EIF3L: variants seen among roughly 807,000 people sequenced by gnomAD.
EIF3L encodes the protein eIEF associated protein HSPC021.
Under a neutral mutation model 74.6 loss-of-function variants are expected in EIF3L, and 32 were observed. The ratio of observed to expected loss-of-function variants is 0.43; its 90% CI spans 0.32 to 0.58. The LOEUF (loss-of-function observed/expected upper bound fraction) is 0.58, where lower values mean the gene tolerates loss of function less well. Ranked by LOEUF, EIF3L falls within the 20% of genes least tolerant of loss-of-function variation. The pLI, the probability that EIF3L is intolerant of heterozygous loss-of-function variation, is 0.06. For synonymous variants in EIF3L, 256 were observed against 254.4 expected (o/e 1.01, Z -0.06); for missense variants, 474 against 707.8 (o/e 0.67, Z 3.75).
chr22:37,860,337 T>A (rs1925790880), intron 5 of EIF3L, among the ~76,000 whole-genome samples: 1 of 152,196 alleles, frequency 6.6e-6, no homozygotes, highest in Non-Finnish European at 1.5e-5. Context: ...TCAACATACT[T>A]CTTTTTGTTG....
Position 37,886,862 on chromosome 22 carries a change from AAG to A in EIF3L, c.1656+20_1656+21del, listed in dbSNP as rs775995260. The A allele has an allele frequency of 6.2e-7, 1 of 1,601,260 alleles. No individual in the cohort carries two copies. Among genetic ancestry groups the A allele is most frequent in the Admixed American group, 1.7e-5 (1 of 59,748 alleles). On this transcript the variant is annotated intron_variant, in intron 12 of 12. Transcript: ENST00000652021. ...TTTGAGGAGGTGAGAGATCTGAGAG[AAG>A]AGGGGTTTGTTGGCTCAGGACAGAG... is the stretch of plus-strand genomic sequence containing the variant.
intron 4 of EIF3L, among the ~76,000 whole-genome samples, chr22:37,856,459 G>A (rs1487822311): frequency 6.6e-6 from 1 of 152,178 alleles, no homozygotes; most frequent in Non-Finnish European, 1.5e-5. Flanking sequence ...CTGACCTCAA[G>A]TGATCTTCCC....
intron 7 of EIF3L, among the ~76,000 whole-genome samples, chr22:37,864,796 C>T (rs1926058398): frequency 6.6e-6 from 1 of 152,184 alleles, no homozygotes; most frequent in African/African-American, 2.4e-5. Flanking sequence ...TCCTTGGCCT[C>T]CCAAAGTGCT....
chr22:37,883,821 C>T (rs978330784), intron 11 of EIF3L: 13 of 151,536 alleles, frequency 8.6e-5, no homozygotes, highest in African/African-American at 3.2e-4. Context: ...GGCTGAGGCA[C>T]AAGAATCGCT....
chr22:37,886,960 G>T, intron 12 of EIF3L, 115 bp downstream of exon 12: 1 of 786,934 alleles, frequency 1.3e-6, no homozygotes, highest in Non-Finnish European at 2.0e-6. Flanking sequence ...ATGGAGTCTT[G>T]TGCTGTCACC....
chr22:37,851,420 C>T lies in EIF3L; in HGVS notation c.223C>T (p.Gln75Ter). 6.2e-7 allele frequency: 1 copy of T among 1,614,044 alleles called. No individual in the cohort carries two copies. The highest frequency in any genetic ancestry group is 8.5e-7 in the Non-Finnish European group (1 of 1,179,998). ...GATTGACCAGAAAGTGTATGAGCTACAGGCCAGTCGTGTCTCCAGTGATGT... is the reference window on the plus strand; with the variant it reads ...GATTGACCAGAAAGTGTATGAGCTATAGGCCAGTCGTGTCTCCAGTGATGT... ...DLIDQKVYELQASRVSSDVID... is the reference protein window; with the variant it reads ...DLIDQKVYEL Residue 75 changes from glutamine to a stop codon, truncating the protein, a stop_gained, in exon 3 of 13, where the codon CAG (glutamine) becomes TAG (stop). Coordinates refer to ENST00000652021, the MANE Select transcript of EIF3L (RefSeq NM_016091.4). LOFTEE classifies it high-confidence loss of function.
At chr22:37,879,853 G>A (rs1376030123) in intron 11 of EIF3L, 1 of 149,952 alleles carries the variant, frequency 6.7e-6, no homozygotes, top group Admixed American at 6.6e-5. Flanking sequence ...AGGCTGGAGT[G>A]CAGTGGCACG....
chr22:37,888,432 C>G lies in EIF3L; in HGVS notation c.1663C>G (p.Arg555Gly), dbSNP rs1927431947. Residue 555 changes from arginine to glycine, a missense_variant, in exon 13 of 13, where the codon CGA becomes GGA. This residue lies in a region of EIF3L where 293 missense variants were observed against 469.1 expected (regional missense o/e 0.62). Coordinates refer to ENST00000652021, the MANE Select transcript of EIF3L (RefSeq NM_016091.4). ...RQIHKFEELN[R>G]TLKKMGQRP is the part of the protein sequence containing the mutation. The stretch of plus-strand genomic sequence containing the variant: ...GCTTTTCTTTCTCTTCTAGCTTAAT[C>G]GAACCCTGAAGAAGATGGGACAGAG... The G allele has an allele frequency of 6.2e-7, 1 of 1,613,990 alleles. No individual in the cohort carries two copies. Among genetic ancestry groups the G allele is most frequent in the African/African-American group, 1.3e-5 (1 of 75,028 alleles).
At position 37,873,928 on chromosome 22, in the gene EIF3L, G is replaced by A. The variant is rs149054817; in HGVS notation, c.752-442G>A. Among the ~76,000 whole-genome samples, 47 of 152,268 alleles carry A rather than the reference G, an allele frequency of 3.1e-4. 1 individual carries two copies. In the East Asian group the frequency reaches 7.3e-3, roughly 24 times the overall value. ...ATGCAGTGACTACTGGTACAATTTTGTGTCGTTGCCTGATTTATGCTTAAG... is the reference window on the plus strand; with the variant it reads ...ATGCAGTGACTACTGGTACAATTTTATGTCGTTGCCTGATTTATGCTTAAG... On this transcript the variant is annotated intron_variant, in intron 8 of 12. Transcript: ENST00000652021.
chr22:37,877,613 A>C (rs1029123531), intron 10 of EIF3L, 61 bp from the exon 11 acceptor site: 2 of 1,528,756 alleles, frequency 1.3e-6, no homozygotes. Context: ...GCCAGTTGGC[A>C]GTGGGGACCT....
chr22:37,853,680 A>C (rs1925348020), intron 3 of EIF3L, among the ~76,000 whole-genome samples: 1 of 152,218 alleles, frequency 6.6e-6, no homozygotes, highest in Non-Finnish European at 1.5e-5. Context: ...CAGCCAAGCG[A>C]AGTGGAGATT....
At chr22:37,876,208 C>G (rs528377240) in intron 10 of EIF3L, 197 bp downstream of exon 10, 2 of 541,864 alleles carry the variant, frequency 3.7e-6, no homozygotes, top group African/African-American at 3.8e-5. Flanking sequence ...CAGCTCACGT[C>G]AGCCTCAACC....
chr22:37,851,524 G>T, intron 3 of EIF3L, 34 bp downstream of exon 3: 4 of 1,575,700 alleles, frequency 2.5e-6, no homozygotes, highest in East Asian at 4.5e-5. Context: ...CCTCTTTCTG[G>T]GTGGGACTGG....
In EIF3L at chr22:37,876,012, G is replaced by T. The variant is rs1169259720; in HGVS notation, c.1077+1G>T. 1 of 1,610,732 alleles carries T rather than the reference G, an allele frequency of 6.2e-7. No individual in the cohort carries two copies. Among genetic ancestry groups the T allele is most frequent in the Non-Finnish European group, 8.5e-7 (1 of 1,177,464 alleles). ...GAGGACCACGTACAAGTATGAGATG[G>T]TAAGGGGGACTCTGCCTGCCACCAG... On this transcript the variant is annotated splice_donor_variant, in intron 10 of 12. Coordinates refer to ENST00000652021, the MANE Select transcript of EIF3L (RefSeq NM_016091.4). LOFTEE classifies it high-confidence loss of function.
In EIF3L at chr22:37,888,866, A is replaced by G. The variant is rs924348080; in HGVS notation, c.*402A>G. On this transcript the variant is annotated 3_prime_UTR_variant, in exon 13 of 13. Coordinates refer to ENST00000652021, the MANE Select transcript of EIF3L (RefSeq NM_016091.4). ...CAAGCAGTTCTGCCTCAGCCTTCCA[A>G]GTAGCTGGGATTACAGGCGTGTGCC... 1.1e-5 allele frequency: 2 copies of G among 176,756 alleles called. No homozygotes were observed. The highest frequency in any genetic ancestry group is 4.8e-5 in the African/African-American group (2 of 41,812). 10.9% of individuals were successfully genotyped at this position (176,756 alleles called of 1,614,324 possible). A position where few individuals can be genotyped will look rare whatever the true frequency, so the allele number is the denominator to read the frequency against.
chr22:37,869,269 C>T (rs1409257343), intron 7 of EIF3L, among the ~76,000 whole-genome samples: 1 of 152,160 alleles, frequency 6.6e-6, no homozygotes, highest in Non-Finnish European at 1.5e-5. Flanking sequence ...GCGGAGACTG[C>T]AGGTGCCTGC....
intron 11 of EIF3L, chr22:37,879,655 G>A (rs1926943605): frequency 6.6e-6 from 1 of 152,292 alleles, no homozygotes; most frequent in Non-Finnish European, 1.5e-5. Context: ...GATGAGATTG[G>A]AGAAAGGGGG....
At chr22:37,863,758 CT>C (rs963344540) in intron 7 of EIF3L, among the ~76,000 whole-genome samples, 94 of 147,638 alleles carry the variant, frequency 6.4e-4, no homozygotes, top group East Asian at 1.8e-3. Flanking sequence ...GTTCTATTAT[CT>C]TTTTTTTTTT....
At chr22:37,886,218 T>C (rs937810484) in intron 11 of EIF3L, 2 of 129,034 alleles carry the variant, frequency 1.5e-5, no homozygotes, top group Non-Finnish European at 3.3e-5. Flanking sequence ...GACTAGAAAA[T>C]AAAAGACAAA....
Sources: gnomAD v4.1 joint callset for allele counts (sites outside exome capture counted in the v4.1 genomes callset) on GRCh38, gnomAD v4.1.1 for gene constraint, gnomAD v4.1.1 regional missense constraint, MANE v1.5 for transcripts, NCBI Gene and HGNC (gene_info 2026-07-23, HGNC 2026-07-21) for gene names.